PCDH15: variants seen among roughly 807,000 people sequenced by gnomAD.
The protein encoded by PCDH15 is protocadherin-15.
PCDH15 carries 129 observed loss-of-function variants against 178.5 expected under a neutral mutation model. The ratio of observed to expected loss-of-function variants is 0.72; its 90% confidence interval spans 0.63 to 0.84. The LOEUF (loss-of-function observed/expected upper bound fraction) is 0.84. PCDH15 is among the 40% of genes least tolerant of loss of function. The probability of loss-of-function intolerance (pLI) is 0.00; values close to 1 mark genes in which losing one functional copy is unlikely to be tolerated. For missense variants in PCDH15, 2,230 were observed against 2,099.9 expected (o/e 1.06, Z -1.21); for synonymous variants, 800 against 732.0 (o/e 1.09, Z -1.50).
intron 1 of PCDH15, among the ~76,000 whole-genome samples, chr10:55,209,412 T>A (rs1196438791): frequency 6.6e-6 from 1 of 152,104 alleles, no homozygotes; most frequent in Non-Finnish European, 1.5e-5. Flanking sequence ...AGAGTAGGAC[T>A]CAAGGACAGA....
chr10:54,540,625 C>T (rs1429575499), intron 2 of PCDH15, among the ~76,000 whole-genome samples: 1 of 151,978 alleles, frequency 6.6e-6, no homozygotes, highest in Non-Finnish European at 1.5e-5. Flanking sequence ...TCCAAAATAT[C>T]AAGGAGGAGA....
At chr10:55,389,353 A>T (rs1251629274) in intron 2 of PCDH15, among the ~76,000 whole-genome samples, 2 of 151,926 alleles carry the variant, frequency 1.3e-5, no homozygotes, top group Admixed American at 1.3e-4. Flanking sequence ...TCATTTTAAG[A>T]GATAATTCAG....
intron 2 of PCDH15, among the ~76,000 whole-genome samples, chr10:55,055,048 T>C (rs564234825): frequency 2.0e-5 from 3 of 152,332 alleles, no homozygotes; most frequent in African/African-American, 7.2e-5. Context: ...TTTTTGCTTT[T>C]TCTGCAATTG....
intron 27 of PCDH15, among the ~76,000 whole-genome samples, chr10:53,862,179 G>T (rs1018265366): frequency 2.0e-5 from 3 of 151,944 alleles, no homozygotes; most frequent in Non-Finnish European, 4.4e-5. Flanking sequence ...ATTCTCCCGA[G>T]TATCTGGGAT....
chr10:54,400,586 A>T (rs1023066278), intron 3 of PCDH15, among the ~76,000 whole-genome samples: 23 of 152,130 alleles, frequency 1.5e-4, no homozygotes, highest in African/African-American at 5.1e-4. Flanking sequence ...ATGAATATGC[A>T]TAAGAAATTA....
At chr10:55,418,787 T>G (rs1365713290) in intron 2 of PCDH15, among the ~76,000 whole-genome samples, 6 of 151,726 alleles carry the variant, frequency 4.0e-5, no homozygotes, top group African/African-American at 1.2e-4. Flanking sequence ...ATGGGAGAGA[T>G]TTGACAAGTT....
chr10:54,126,024 AAC>A (rs2041958846), intron 15 of PCDH15, among the ~76,000 whole-genome samples: 1 of 152,044 alleles, frequency 6.6e-6, no homozygotes, highest in African/African-American at 2.4e-5. Flanking sequence ...TTTATGAGTT[AAC>A]AGGAAAACAG....
intron 2 of PCDH15, among the ~76,000 whole-genome samples, chr10:55,149,378 AC>A (rs1486711387): frequency 2.6e-5 from 4 of 151,972 alleles, no homozygotes; most frequent in African/African-American, 2.4e-5. Flanking sequence ...ATTACCAAAA[AC>A]GTATAACCTT....
chr10:53,969,147 G>A (rs2089383250), intron 21 of PCDH15, among the ~76,000 whole-genome samples: 1 of 152,136 alleles, frequency 6.6e-6, no homozygotes, highest in African/African-American at 2.4e-5. Context: ...AATAAACAGT[G>A]TAGAGAAGAC....
chr10:54,090,011 G>A lies in PCDH15; in HGVS notation c.1970C>T (p.Pro657Leu), dbSNP rs757098609. ...TTCTGAAAGATTAAAAACTCTCTGA[G>A]GATCTCCATTCTCAATGGCATATGT... The part of the protein sequence containing the change: ...SITYAIENGD[P>L]QRVFNLSETT... Residue 657 changes from proline (P) to leucine (L), a missense_variant, in exon 16 of 38, where the codon CCT (proline) becomes CTT (leucine). Physicochemically the swap from Pro to Leu is moderately conservative, Grantham distance 98 (BLOSUM62 -3). Transcript: ENST00000644397. 1.9e-5 allele frequency: 31 copies of A among 1,612,128 alleles called. No individual in the cohort carries two copies. Among genetic ancestry groups the A allele is most frequent in the Non-Finnish European group, 2.5e-5 (29 of 1,178,694 alleles).
intron 2 of PCDH15, among the ~76,000 whole-genome samples, chr10:55,528,097 C>T (rs1005801455): frequency 1.3e-5 from 2 of 151,922 alleles, no homozygotes; most frequent in African/African-American, 4.8e-5. Context: ...AGGGCAGTGG[C>T]ACAATTGTGG....
At chr10:55,517,531 A>C (rs1841047080) in intron 2 of PCDH15, among the ~76,000 whole-genome samples, 1 of 152,172 alleles carries the variant, frequency 6.6e-6, no homozygotes, top group South Asian at 2.1e-4. Flanking sequence ...TTTAGTAAAT[A>C]AAAAATAAGC....
intron 2 of PCDH15, among the ~76,000 whole-genome samples, chr10:55,572,436 A>G (rs1281863679): frequency 1.3e-5 from 2 of 150,838 alleles, no homozygotes; most frequent in African/African-American, 2.4e-5. Context: ...ATATTAATAT[A>G]TTATAATTTT....
At chr10:54,968,481 C>A (rs1838851511) in intron 2 of PCDH15, among the ~76,000 whole-genome samples, 1 of 151,548 alleles carries the variant, frequency 6.6e-6, no homozygotes, top group Admixed American at 6.6e-5. Flanking sequence ...TGCTTCTTGG[C>A]AGTCTCCTAC....
At chr10:55,018,781 G>A (rs1055629634) in intron 2 of PCDH15, among the ~76,000 whole-genome samples, 4 of 152,186 alleles carry the variant, frequency 2.6e-5, no homozygotes, top group African/African-American at 9.6e-5. Flanking sequence ...TTCAAGAGCA[G>A]CTAGAACATT....
intron 1 of PCDH15, among the ~76,000 whole-genome samples, chr10:55,267,094 G>A (rs1209880304): frequency 6.6e-6 from 1 of 151,938 alleles, no homozygotes; most frequent in South Asian, 2.1e-4. Context: ...ATTTCAAAAG[G>A]AAGGAAGAAT....
intron 3 of PCDH15, among the ~76,000 whole-genome samples, chr10:54,865,340 T>C (rs897699590): frequency 2.0e-5 from 3 of 152,076 alleles, no homozygotes. Context: ...GTCTTTGGAG[T>C]CTTGGACTTA....
chr10:54,299,651 G>A (rs1172458137), intron 8 of PCDH15, among the ~76,000 whole-genome samples: 3 of 152,142 alleles, frequency 2.0e-5, no homozygotes, highest in Non-Finnish European at 4.4e-5. Flanking sequence ...CCAGATCTAG[G>A]AGGAACTCCC....
At chr10:54,958,298 A>G (rs1758813194) in intron 2 of PCDH15, among the ~76,000 whole-genome samples, 2 of 151,766 alleles carry the variant, frequency 1.3e-5, no homozygotes, top group Admixed American at 6.6e-5. Flanking sequence ...AAGAAGTATG[A>G]AGGATAAAGA....
Sources: allele counts gnomAD v4.1 joint callset (sites outside exome capture counted in the v4.1 genomes callset), GRCh38; gene constraint gnomAD v4.1.1; transcripts MANE v1.5; gene names NCBI Gene and HGNC (gene_info 2026-07-23, HGNC 2026-07-21).